The following TDRD3 variants were observed in gnomAD, a reference collection of about 807,000 sequenced individuals.
TDRD3 encodes the protein tudor domain-containing protein 3.
Under a neutral mutation model 86.7 loss-of-function variants are expected in TDRD3, and 45 were observed. That is an observed-to-expected ratio of 0.52 (90% CI 0.41 to 0.67). TDRD3 has a LOEUF of 0.67. Ranked by LOEUF, TDRD3 falls within the 30% of genes least tolerant of loss-of-function variation. The pLI is 0.00. For missense variants in TDRD3, 814 were observed against 889.0 expected (o/e 0.92, Z 1.07); for synonymous variants, 298 against 301.7 (o/e 0.99, Z 0.13).
intron 7 of TDRD3, among the ~76,000 whole-genome samples, chr13:60,494,131 A>C (rs1566241291): frequency 6.6e-6 from 1 of 152,218 alleles, no homozygotes; most frequent in Non-Finnish European, 1.5e-5. Context: ...AATCATTTTA[A>C]CAAGTAGTCT....
At chr13:60,531,151 C>T (rs1957574277) in intron 11 of TDRD3, among the ~76,000 whole-genome samples, 1 of 152,254 alleles carries the variant, frequency 6.6e-6, no homozygotes, top group East Asian at 1.9e-4. Flanking sequence ...TTTTCTTTTT[C>T]TCTGGAAAAG....
chr13:60,561,225 G>A (rs938080282), intron 12 of TDRD3, among the ~76,000 whole-genome samples: 5 of 152,088 alleles, frequency 3.3e-5, no homozygotes, highest in Non-Finnish European at 5.9e-5. Context: ...ATTATAAAAT[G>A]AGACATTTAA....
chr13:60,570,900 C>G (rs1227442469), intron 13 of TDRD3, among the ~76,000 whole-genome samples: 1 of 152,116 alleles, frequency 6.6e-6, no homozygotes, highest in Non-Finnish European at 1.5e-5. Context: ...AATTGTAAAC[C>G]ATTACCATAT....
chr13:60,557,990 T>C (rs537228512), intron 12 of TDRD3, among the ~76,000 whole-genome samples: 1 of 152,094 alleles, frequency 6.6e-6, no homozygotes, highest in South Asian at 2.1e-4. Flanking sequence ...GCCCAGCTAA[T>C]TTTTGTATTT....
At chr13:60,431,772 A>T (rs1439440009) in intron 1 of TDRD3, among the ~76,000 whole-genome samples, 1 of 151,652 alleles carries the variant, frequency 6.6e-6, no homozygotes, top group Non-Finnish European at 1.5e-5. Flanking sequence ...ATAAAAACTA[A>T]AAACTGAAAA....
intron 10 of TDRD3, among the ~76,000 whole-genome samples, chr13:60,520,840 C>T (rs1332929246): frequency 6.6e-6 from 1 of 151,986 alleles, no homozygotes; most frequent in East Asian, 1.9e-4. Context: ...GTGGTTAGGA[C>T]TGGAATTTAA....
chr13:60,486,901 A>T (rs1956451248), intron 7 of TDRD3, among the ~76,000 whole-genome samples: 1 of 152,176 alleles, frequency 6.6e-6, no homozygotes, highest in Non-Finnish European at 1.5e-5. Context: ...AATGTCCTTC[A>T]GGCTTATCCA....
chr13:60,509,262 A>G (rs1353117326), intron 8 of TDRD3, among the ~76,000 whole-genome samples: 1 of 152,122 alleles, frequency 6.6e-6, no homozygotes, highest in African/African-American at 2.4e-5. Context: ...TCAAAGCATC[A>G]TAGATAGTAT....
chr13:60,509,885 T>C lies in TDRD3; in HGVS notation c.981T>C (p.Asn327=). Residue 327 remains asparagine (N), a synonymous_variant, in exon 9 of 14, where the codon AAT becomes AAC. Coordinates refer to ENST00000377881, the MANE Select transcript of TDRD3 (RefSeq NM_001146070.2). ...EAALNVLLTS[N]KQKPVMGPPL... ...CACTGAACGTACTTCTTACAAGCAA[T>C]AAACAGAAACCTGTTATGGGTCCTC... The C allele has an allele frequency of 6.2e-7, 1 of 1,613,730 alleles. No homozygotes were observed. Among genetic ancestry groups the C allele is most frequent in the Non-Finnish European group, 8.5e-7 (1 of 1,179,668 alleles).
At chr13:60,460,725 C>A in intron 4 of TDRD3, 185 bp downstream of exon 4, 1 of 525,802 alleles carries the variant, frequency 1.9e-6, no homozygotes, top group Non-Finnish European at 3.0e-6. Context: ...GAATATATGG[C>A]CAGGCGTGGT....
intron 12 of TDRD3, among the ~76,000 whole-genome samples, chr13:60,548,646 A>C (rs1211044739): frequency 1.3e-5 from 2 of 152,158 alleles, no homozygotes; most frequent in Admixed American, 1.3e-4. Flanking sequence ...TTTCATAACT[A>C]AAAATTAGAG....
At chr13:60,552,576 C>T (rs548592051) in intron 12 of TDRD3, among the ~76,000 whole-genome samples, 126 of 152,348 alleles carry the variant, frequency 8.3e-4, no homozygotes, top group African/African-American at 3.0e-3. Flanking sequence ...CCTTCTCTCA[C>T]AGCTTCACTA....
intron 5 of TDRD3, among the ~76,000 whole-genome samples, chr13:60,476,175 GTT>G (rs1465575330): frequency 3.3e-5 from 5 of 152,028 alleles, no homozygotes; most frequent in Admixed American, 6.6e-5. Context: ...TGTTTTAGAT[GTT>G]ACATTAAAGT....
At chr13:60,569,379 T>C (rs1469294759) in intron 13 of TDRD3, among the ~76,000 whole-genome samples, 1 of 152,064 alleles carries the variant, frequency 6.6e-6, no homozygotes, top group Non-Finnish European at 1.5e-5. Context: ...GTGAAAGATC[T>C]CTACAATGAA....
intron 3 of TDRD3, among the ~76,000 whole-genome samples, chr13:60,450,918 T>C (rs1035049469): frequency 6.6e-6 from 1 of 152,148 alleles, no homozygotes; most frequent in Non-Finnish European, 1.5e-5. Flanking sequence ...ATATCGGGCG[T>C]ATTTAAAATC....
intron 10 of TDRD3, among the ~76,000 whole-genome samples, chr13:60,520,913 T>C (rs1279763682): frequency 6.6e-6 from 1 of 152,224 alleles, no homozygotes; most frequent in Non-Finnish European, 1.5e-5. Flanking sequence ...GTTTTATATA[T>C]ATTTTCAAAT....
intron 3 of TDRD3, among the ~76,000 whole-genome samples, chr13:60,456,491 T>A (rs1955673426): frequency 6.6e-6 from 1 of 152,174 alleles, no homozygotes; most frequent in African/African-American, 2.4e-5. Flanking sequence ...CCACTAAAAT[T>A]TTTTAGAGTA....
At chr13:60,567,131 A>G (rs1185183140) in intron 12 of TDRD3, among the ~76,000 whole-genome samples, 1 of 152,212 alleles carries the variant, frequency 6.6e-6, no homozygotes, top group Non-Finnish European at 1.5e-5. Context: ...ACCTAGAAAC[A>G]TTTAGAAGCC....
intron 4 of TDRD3, 62 bp downstream of exon 4, chr13:60,460,602 T>C: frequency 7.0e-7 from 1 of 1,437,164 alleles, no homozygotes; most frequent in South Asian, 1.6e-5. Flanking sequence ...TCAATTGGAA[T>C]AACTTAAGAA....
Sources: gnomAD v4.1 joint callset for allele counts (sites outside exome capture counted in the v4.1 genomes callset) on GRCh38, gnomAD v4.1.1 for gene constraint, MANE v1.5 for transcripts, NCBI Gene and HGNC (gene_info 2026-07-23, HGNC 2026-07-21) for gene names.